The following LIN52 variants were observed in gnomAD, a reference collection of about 807,000 sequenced individuals.
LIN52 encodes the protein lin-52 DREAM MuvB core complex component.
Under a neutral mutation model 18.5 loss-of-function variants are expected in LIN52, and 4 were observed. That is an observed-to-expected ratio of 0.22 (90% confidence interval 0.11 to 0.49). The LOEUF (loss-of-function observed/expected upper bound fraction) is 0.49. Ranked by LOEUF, LIN52 falls within the 20% of genes least tolerant of loss-of-function variation. The probability of loss-of-function intolerance (pLI) is 0.97; values close to 1 mark genes in which losing one functional copy is unlikely to be tolerated. For synonymous variants in LIN52, 34 were observed against 45.5 expected (o/e 0.75, Z 1.02); for missense variants, 102 against 139.5 (o/e 0.73, Z 1.35).
At chr14:74,198,841 C>G in intron 5 of LIN52, 81 bp from the exon 6 acceptor site, 1 of 1,060,372 alleles carries the variant, frequency 9.4e-7, no homozygotes, top group South Asian at 1.3e-5. Context: ...AATCAATCTG[C>G]ATTTTTAAAT....
intron 4 of LIN52, among the ~76,000 whole-genome samples, chr14:74,100,313 T>C (rs2060844423): frequency 6.6e-6 from 1 of 152,164 alleles, no homozygotes; most frequent in Admixed American, 6.6e-5. Flanking sequence ...ATTATTTTTT[T>C]CTTTTTTTAT....
chr14:74,093,141 G>A (rs929312291), intron 2 of LIN52, among the ~76,000 whole-genome samples: 3 of 151,252 alleles, frequency 2.0e-5, no homozygotes, highest in Non-Finnish European at 4.4e-5. Flanking sequence ...TAGTACAGAC[G>A]GCTTTTCACC....
chr14:74,121,974 T>G (rs961081283), intron 5 of LIN52, among the ~76,000 whole-genome samples: 3 of 151,982 alleles, frequency 2.0e-5, no homozygotes, highest in African/African-American at 7.3e-5. Flanking sequence ...ACTGGAATTT[T>G]TGTTTATCAT....
At chr14:74,187,204 T>G (rs913728540) in intron 5 of LIN52, among the ~76,000 whole-genome samples, 4 of 152,222 alleles carry the variant, frequency 2.6e-5, no homozygotes, top group African/African-American at 9.6e-5. Context: ...GAAAAGTAAA[T>G]TACTTGTTTG....
chr14:74,096,082 G>T, intron 3 of LIN52, 97 bp downstream of exon 3: 1 of 837,214 alleles, frequency 1.2e-6, no homozygotes, highest in South Asian at 1.8e-5. Context: ...TTTTATTTAT[G>T]GCAGAGTCTC....
At chr14:74,127,100 A>C (rs189613492) in intron 5 of LIN52, among the ~76,000 whole-genome samples, 2 of 152,342 alleles carry the variant, frequency 1.3e-5, no homozygotes, top group East Asian at 3.9e-4. Context: ...TTTCTAATTC[A>C]TACAGTTAAT....
intron 5 of LIN52, among the ~76,000 whole-genome samples, chr14:74,191,682 G>A (rs1210929175): frequency 3.3e-5 from 5 of 149,268 alleles, no homozygotes; most frequent in African/African-American, 7.4e-5. Flanking sequence ...CGTCCAGGCC[G>A]GAGTGCAGTG....
intron 5 of LIN52, among the ~76,000 whole-genome samples, chr14:74,101,610 C>A (rs1376252019): frequency 6.6e-6 from 1 of 151,936 alleles, no homozygotes; most frequent in African/African-American, 2.4e-5. Context: ...AGGCGCCCGC[C>A]ACTACGCCCG....
intron 5 of LIN52, among the ~76,000 whole-genome samples, chr14:74,162,475 CAAAA>C (rs35116380): frequency 2.1e-5 from 2 of 95,352 alleles, no homozygotes; most frequent in Admixed American, 1.3e-4. Flanking sequence ...CTCCATCTCA[CAAAA>C]AAAAAAAAAA....
At chr14:74,180,489 A>G (rs1595188830) in intron 5 of LIN52, among the ~76,000 whole-genome samples, 1 of 151,152 alleles carries the variant, frequency 6.6e-6, no homozygotes. Flanking sequence ...CGATCTCCTG[A>G]CCTCGTGATC....
chr14:74,121,616 T>C (rs1488372008), intron 5 of LIN52, among the ~76,000 whole-genome samples: 1 of 152,282 alleles, frequency 6.6e-6, no homozygotes, highest in East Asian at 1.9e-4. Flanking sequence ...TTTCAAATAA[T>C]GATGGTAATA....
chr14:74,092,586 G>T (rs140156525), intron 2 of LIN52, among the ~76,000 whole-genome samples: 20,743 of 151,506 alleles, frequency 0.14, 1,989 homozygotes, highest in East Asian at 0.58. Flanking sequence ...GATTACAGGC[G>T]TGAGCCACCA....
chr14:74,109,934 C>T (rs1031851922), intron 5 of LIN52, among the ~76,000 whole-genome samples: 6 of 152,260 alleles, frequency 3.9e-5, no homozygotes, highest in Non-Finnish European at 8.8e-5. Flanking sequence ...TTCTGACTGC[C>T]TTTAAATTAA....
chr14:74,168,926 G>A (rs117429038), intron 5 of LIN52, among the ~76,000 whole-genome samples: 1,742 of 151,766 alleles, frequency 0.011, 16 homozygotes, highest in Non-Finnish European at 0.018. Flanking sequence ...GCGGGGCATG[G>A]TGGCGCGTGC....
chr14:74,116,316 T>TA (rs1424006342), intron 5 of LIN52, among the ~76,000 whole-genome samples: 4 of 96,634 alleles, frequency 4.1e-5, no homozygotes, highest in East Asian at 1.2e-3. Flanking sequence ...AAATAAAAAA[T>TA]AAAAAAAATA....
chr14:74,161,484 G>A (rs1197599432), intron 5 of LIN52, among the ~76,000 whole-genome samples: 3 of 152,146 alleles, frequency 2.0e-5, no homozygotes, highest in African/African-American at 7.2e-5. Context: ...ACCGTGCCCG[G>A]TCTGAACAGG....
intron 5 of LIN52, among the ~76,000 whole-genome samples, chr14:74,114,794 A>G (rs1327043004): frequency 6.6e-6 from 1 of 152,224 alleles, no homozygotes; most frequent in Non-Finnish European, 1.5e-5. Flanking sequence ...TTGATCTCAA[A>G]GAAATCAATA....
intron 5 of LIN52, among the ~76,000 whole-genome samples, chr14:74,170,215 C>G (rs6574168): frequency 0.17 from 26,275 of 152,096 alleles, 2,774 homozygotes; most frequent in East Asian, 0.58. Flanking sequence ...AGGACCTCAC[C>G]TGGCCCATTC....
intron 5 of LIN52, among the ~76,000 whole-genome samples, chr14:74,103,166 T>C (rs115671872): frequency 0.029 from 4,425 of 151,914 alleles, 216 homozygotes; most frequent in African/African-American, 0.1. Flanking sequence ...GCAACCTCCA[T>C]CTCTTGGGTT....
Sources: gnomAD v4.1 joint callset for allele counts (sites outside exome capture counted in the v4.1 genomes callset) on GRCh38, gnomAD v4.1.1 for gene constraint, MANE v1.5 for transcripts, NCBI Gene and HGNC (gene_info 2026-07-23, HGNC 2026-07-21) for gene names.